Variants in HECW1 observed in about 807,000 individuals in gnomAD.
The protein encoded by HECW1 is E3 ubiquitin-protein ligase HECW1.
HECW1 carries 61 observed loss-of-function variants against 182.3 expected under a neutral mutation model. The observed-to-expected ratio is 0.33, with a 90% confidence interval of 0.27 to 0.41. HECW1 has a LOEUF of 0.41. Ranked by LOEUF, HECW1 falls within the 10% of genes least tolerant of loss-of-function variation. HECW1 has a pLI of 1.00. For synonymous variants in HECW1, 859 were observed against 832.6 expected (o/e 1.03, Z -0.55); for missense variants, 1,739 against 2,108.9 (o/e 0.82, Z 3.44).
At position 43,250,162 on chromosome 7, in the gene HECW1, G is replaced by C. The variant is rs1799879654; in HGVS notation, c.27+6230G>C. ...GCACACACACATACACACACACACAGAAATACAAAATAAAACTGGATTTGG... is the reference window on the plus strand; with the variant it reads ...GCACACACACATACACACACACACACAAATACAAAATAAAACTGGATTTGG... On this transcript the variant is annotated intron_variant, in intron 3 of 29. Transcript: ENST00000395891. 3.3e-5 allele frequency among the ~76,000 whole-genome samples: 5 copies of C among 151,434 alleles called. No homozygotes were observed. In the South Asian group the frequency reaches 1.0e-3, roughly 32 times the overall value.
rs184703538 is a variant in HECW1, at chr7:43,336,251, G to A, written c.460+15509G>A. Among the ~76,000 whole-genome samples the A allele has an allele frequency of 1.8e-3, 261 of 143,132 alleles. 2 individuals are homozygous for A. The highest frequency in any genetic ancestry group is 2.6e-3 in the Non-Finnish European group (171 of 66,482). The allele number at this position is 143,132 out of a possible 152,430, so 93.9% of individuals were successfully genotyped here. A position where few individuals can be genotyped will look rare whatever the true frequency, so the allele number is the denominator to read the frequency against. ...CAGTGGTGGGATCATACCTCACTGC[G>A]GCCTCAAGGGCTCAAGTGATCCTCC... On this transcript the variant is annotated intron_variant, in intron 5 of 29. Coordinates refer to ENST00000395891, the MANE Select transcript of HECW1 (RefSeq NM_015052.5).
chr7:43,412,287 T>C (rs753740793), intron 8 of HECW1, among the ~76,000 whole-genome samples: 43 of 152,098 alleles, frequency 2.8e-4, no homozygotes, highest in Non-Finnish European at 5.0e-4. Context: ...TATATCACAT[T>C]GTATATACAT....
At position 43,125,495 on chromosome 7, in the gene HECW1, G is replaced by A. The variant is rs895076647; in HGVS notation, c.-32+11104G>A. On this transcript the variant is annotated intron_variant, in intron 2 of 29. Transcript: ENST00000395891. Reference sequence around the variant, plus strand: ...GCATTGGTCGGGTGTGGTGGCTCACGCCTGTAATCCCAGCATTTTGGGAGG... The same window carrying A: ...GCATTGGTCGGGTGTGGTGGCTCACACCTGTAATCCCAGCATTTTGGGAGG... 3.3e-5 allele frequency among the ~76,000 whole-genome samples: 5 copies of A among 151,930 alleles called. No individual in the cohort carries two copies. The South Asian group carries it at 8.3e-4, about 25-fold the overall frequency.
chr7:43,444,953 C>T lies in HECW1; in HGVS notation c.1781C>T (p.Ser594Phe), dbSNP rs750452062. ...GAGGAGGAGTCCACCCTCAAGGACT[C>T]CTCGGAGAAGGATGGGCTCAGCGAG... ...GAEEESTLKD[S>F]SEKDGLSEVD... Residue 594 changes from serine to phenylalanine, a missense_variant, in exon 11 of 30, where the codon TCC becomes TTC. Physicochemically the swap from Ser to Phe is radical, Grantham distance 155 (BLOSUM62 -2). This residue lies in a region of HECW1 where 971 missense variants were observed against 1,029.1 expected (regional missense o/e 0.94). Transcript: ENST00000395891. This position sits in a 1 kb window ranked among gnomAD's most constrained non-coding sequence, Gnocchi z 4.3. 1 of 1,576,304 alleles carries T rather than the reference C, an allele frequency of 6.3e-7. No homozygotes were observed. Among genetic ancestry groups the T allele is most frequent in the Admixed American group, 1.8e-5 (1 of 56,894 alleles).
At chr7:43,537,934 CT>C (rs2081236096) in intron 24 of HECW1, among the ~76,000 whole-genome samples, 1 of 152,202 alleles carries the variant, frequency 6.6e-6, no homozygotes, top group Non-Finnish European at 1.5e-5. Flanking sequence ...CTGCAGTCCC[CT>C]GGGCTAGGAA....
intron 2 of HECW1, among the ~76,000 whole-genome samples, chr7:43,182,258 T>A (rs1363112415): frequency 1.3e-5 from 2 of 152,250 alleles, no homozygotes; most frequent in Middle Eastern, 3.2e-3. Context: ...TTCCCCAATG[T>A]TTTCTTCTAG....
intron 12 of HECW1, among the ~76,000 whole-genome samples, chr7:43,454,686 A>T (rs1475157230): frequency 6.6e-6 from 1 of 152,220 alleles, no homozygotes; most frequent in East Asian, 1.9e-4. Context: ...CCATCATGCC[A>T]CAAACAGATA....
chr7:43,333,112 A>G (rs1170899216), intron 5 of HECW1, among the ~76,000 whole-genome samples: 5 of 152,182 alleles, frequency 3.3e-5, no homozygotes, highest in Admixed American at 6.5e-5. Flanking sequence ...TGGCTTATCC[A>G]CTGGATAGAA....
At chr7:43,547,673 A>G (rs905868601) in intron 26 of HECW1, among the ~76,000 whole-genome samples, 1 of 152,204 alleles carries the variant, frequency 6.6e-6, no homozygotes, top group Admixed American at 6.5e-5. Context: ...CTTTTTTACA[A>G]TGGTCCCTAT....
intron 24 of HECW1, among the ~76,000 whole-genome samples, chr7:43,527,209 A>T (rs2080793793): frequency 6.6e-6 from 1 of 152,178 alleles, no homozygotes; most frequent in Non-Finnish European, 1.5e-5. Flanking sequence ...GCTGAGTGAA[A>T]GGTGTTCTGG....
chr7:43,213,135 C>A (rs1285927838), intron 2 of HECW1, among the ~76,000 whole-genome samples: 1 of 151,932 alleles, frequency 6.6e-6, no homozygotes, highest in Non-Finnish European at 1.5e-5. Flanking sequence ...CCTGATAAGG[C>A]ATGATAAGTC....
At chr7:43,351,678 C>CTTTTTTTTTTTTTTTTTTTTTTTG (rs200929407) in intron 5 of HECW1, among the ~76,000 whole-genome samples, 1 of 120,574 alleles carries the variant, frequency 8.3e-6, no homozygotes, top group Non-Finnish European at 1.7e-5. Flanking sequence ...TTTCTTTCTT[C>CTTTTTTTTTTTTTTTTTTTTTTTG]TTTTTTTTTT....
Position 43,273,894 on chromosome 7 carries a change from C to T in HECW1, c.27+29962C>T, listed in dbSNP as rs1329468376. Among the ~76,000 whole-genome samples, 6 of 151,314 alleles carry T rather than the reference C, an allele frequency of 4.0e-5. No individual in the cohort carries two copies. The East Asian group carries it at 9.7e-4, about 24-fold the overall frequency. Reference sequence around the variant, plus strand: ...TTTGAGATGGAGTCTCTCTGTCACCCAAGCTGGAGTGCGGTGGCACAATCT... The same window carrying T: ...TTTGAGATGGAGTCTCTCTGTCACCTAAGCTGGAGTGCGGTGGCACAATCT... On this transcript the variant is annotated intron_variant, in intron 3 of 29. Transcript: ENST00000395891.
intron 26 of HECW1, among the ~76,000 whole-genome samples, chr7:43,542,879 T>G (rs1194104995): frequency 6.6e-6 from 1 of 152,228 alleles, no homozygotes; most frequent in African/African-American, 2.4e-5. Context: ...TTATGGAGTT[T>G]TTTGAAAATC....
chr7:43,502,823 G>A (rs997012933), intron 21 of HECW1, among the ~76,000 whole-genome samples: 4 of 152,180 alleles, frequency 2.6e-5, no homozygotes, highest in Non-Finnish European at 5.9e-5. Context: ...AAGTAAAAGA[G>A]ATCAGTTTGA....
Position 43,416,632 on chromosome 7 carries a change from C to T in HECW1, c.801+8901C>T, listed in dbSNP as rs1193248438. Among the ~76,000 whole-genome samples, 19 of 149,296 alleles carry T rather than the reference C, an allele frequency of 1.3e-4. 1 individual carries two copies. In the East Asian group the frequency reaches 3.3e-3, roughly 26 times the overall value. ...GGCGGGCACCCCTCCCCCAGCCTCG[C>T]TGCCGCCTTGCAGTTTGATCTCAGA... On this transcript the variant is annotated intron_variant, in intron 8 of 29. Transcript: ENST00000395891.
chr7:43,527,653 C>T (rs1179878070), intron 24 of HECW1, among the ~76,000 whole-genome samples: 1 of 152,194 alleles, frequency 6.6e-6, no homozygotes. Context: ...AGGATATGGG[C>T]ATATCTTGTG....
intron 21 of HECW1, among the ~76,000 whole-genome samples, chr7:43,504,819 G>A (rs2079512124): frequency 6.6e-6 from 1 of 152,160 alleles, no homozygotes; most frequent in Non-Finnish European, 1.5e-5. Context: ...CCATCCAGCA[G>A]AAACTTCTTC....
chr7:43,503,758 A>T (rs1263044244), intron 21 of HECW1, among the ~76,000 whole-genome samples: 1 of 152,216 alleles, frequency 6.6e-6, no homozygotes, highest in Non-Finnish European at 1.5e-5. Context: ...ATGCCAAAGT[A>T]CTCTGTAAAG....
Sources: allele counts gnomAD v4.1 joint callset (sites outside exome capture counted in the v4.1 genomes callset), GRCh38; gene constraint gnomAD v4.1.1; regional missense constraint gnomAD v4.1.1; non-coding constraint Gnocchi (gnomAD v3.1); transcripts MANE v1.5; gene names NCBI Gene and HGNC (gene_info 2026-07-23, HGNC 2026-07-21).